The following DEAF1 variants were observed in gnomAD, a reference collection of about 807,000 sequenced individuals.
DEAF1 encodes the protein deformed epidermal autoregulatory factor 1 homolog.
In DEAF1, 53 loss-of-function variants were observed where a neutral mutation model predicts 58.9. That is an observed-to-expected ratio of 0.90 (90% CI 0.72 to 1.13). The LOEUF is 1.13. Among genes scored for constraint, DEAF1 ranks in the 50% most tolerant of loss-of-function variants. The probability of loss-of-function intolerance (pLI) is 0.00; values close to 1 mark genes in which losing one functional copy is unlikely to be tolerated. For synonymous variants in DEAF1, 385 were observed against 340.4 expected, an observed-to-expected ratio of 1.13 and a Z score of -1.44; for missense variants, 685 against 791.4, an observed-to-expected ratio of 0.87 and a Z score of 1.61.
chr11:650,707 C>T (rs1482854087), intron 11 of DEAF1, among the ~76,000 whole-genome samples: 1 of 151,182 alleles, frequency 6.6e-6, no homozygotes, highest in African/African-American at 2.4e-5. Context: ...CATCCCAGCA[C>T]TTTGGGAGGC....
rs1182879417 is a variant in DEAF1, at chr11:654,146, G to A, written c.1504-95C>T. Reference sequence around the variant, plus strand: ...GGCAGGTGCAGGCAGGAGGCCCCAAGTTCCCCCCATTGGACCCCCTTTTTT... The same window carrying A: ...GGCAGGTGCAGGCAGGAGGCCCCAAATTCCCCCCATTGGACCCCCTTTTTT... On this transcript the variant is annotated intron_variant, in intron 10 of 11. Coordinates refer to ENST00000382409, the MANE Select transcript of DEAF1 (RefSeq NM_021008.4). 4 of 845,758 alleles carry A rather than the reference G, an allele frequency of 4.7e-6. No homozygotes were observed. In the African/African-American group the frequency reaches 5.3e-5, roughly 11 times the overall value. The allele number at this position is 845,758 out of a possible 1,614,324, so 52.4% of individuals were successfully genotyped here.
At chr11:702,552 CCTTGGACCAGAGAAAAATA>C (rs1317763408) in intron 1 of DEAF1, among the ~76,000 whole-genome samples, 1 of 152,240 alleles carries the variant, frequency 6.6e-6, no homozygotes, top group Non-Finnish European at 1.5e-5. Flanking sequence ...CCAGAACTGG[CCTTGGACCAGAGAAAAATA>C]CTTTGGGAAT....
chr11:698,308 G>A (rs745920935), upstream of DEAF1, among the ~76,000 whole-genome samples: 1 of 152,168 alleles, frequency 6.6e-6, no homozygotes, highest in Non-Finnish European at 1.5e-5. Flanking sequence ...CTCTCAGGTG[G>A]GGGTGGGAGA....
chr11:678,021 A>G (rs1288665525), intron 9 of DEAF1, among the ~76,000 whole-genome samples: 1 of 150,320 alleles, frequency 6.7e-6, no homozygotes. Context: ...GTGGTGGCTC[A>G]CACCTGTAAT....
upstream of DEAF1, chr11:699,589 A>C (rs1486755209): frequency 6.5e-6 from 1 of 154,556 alleles, no homozygotes; most frequent in African/African-American, 2.4e-5. Context: ...CCTACTAAAA[A>C]TACAAAAAAT....
At chr11:662,875 CGGCAGCAGGG>C (rs1859375417) in intron 10 of DEAF1, among the ~76,000 whole-genome samples, 1 of 152,182 alleles carries the variant, frequency 6.6e-6, no homozygotes, top group South Asian at 2.1e-4. Flanking sequence ...GCCCTCAGCA[CGGCAGCAGGG>C]GGCAGCAGCA....
At chr11:686,433 C>T (rs1308534170) in intron 5 of DEAF1, among the ~76,000 whole-genome samples, 5 of 152,148 alleles carry the variant, frequency 3.3e-5, no homozygotes, top group African/African-American at 1.2e-4. Context: ...TAACAACACC[C>T]AAGGAGCTAA....
At position 644,311 on chromosome 11, in the gene DEAF1, C is replaced by T. The variant is rs1349955354; in HGVS notation, c.*239G>A. 25 of 598,702 alleles carry T rather than the reference C, an allele frequency of 4.2e-5. No homozygotes were observed. The highest frequency in any genetic ancestry group is 8.2e-5 in the Admixed American group (3 of 36,772). 37.1% of individuals were successfully genotyped at this position (598,702 alleles called of 1,614,324 possible). A position where few individuals can be genotyped will look rare whatever the true frequency, so the allele number is the denominator to read the frequency against. ...CACAGGCCCTGTGGGCAAGACCGGA[C>T]GCTCATGATCCCAGGGATAAAAAAT... On this transcript the variant is annotated 3_prime_UTR_variant, in exon 12 of 12. Coordinates refer to ENST00000382409, the MANE Select transcript of DEAF1 (RefSeq NM_021008.4). This position sits in a 1 kb window ranked among gnomAD's most constrained non-coding sequence, Gnocchi z 4.3.
At chr11:669,579 C>A (rs1353849053) in intron 10 of DEAF1, among the ~76,000 whole-genome samples, 1 of 149,912 alleles carries the variant, frequency 6.7e-6, no homozygotes, top group African/African-American at 2.5e-5. Context: ...GAGGTTATGG[C>A]GAGCCGAGAT....
rs1210042091 is a variant in DEAF1 at position 674,629 on chromosome 11, C to T, written c.1410G>A (p.Leu470=). 1 of 1,614,056 alleles carries T rather than the reference C, an allele frequency of 6.2e-7. No homozygotes were observed. The highest frequency in any genetic ancestry group is 2.2e-5 in the East Asian group (1 of 44,894). The part of the protein sequence containing the change: ...VNSLLNTAQQ[L]KTLFEQAKHA... ...GCTTGGCTTGCTCAAACAGCGTCTT[C>T]AGCTGCTGCGCTGTGTTGAGCAAGG... is the stretch of plus-strand genomic sequence containing the variant. Residue 470 remains leucine, a synonymous_variant, in exon 10 of 12, where the codon CTG becomes CTA. Transcript: ENST00000382409.
intron 11 of DEAF1, among the ~76,000 whole-genome samples, chr11:649,558 A>G (rs925548424): frequency 2.6e-5 from 4 of 151,848 alleles, no homozygotes; most frequent in African/African-American, 7.3e-5. Flanking sequence ...TGTGTCTACT[A>G]AAAGTACAAA....
intron 10 of DEAF1, among the ~76,000 whole-genome samples, chr11:670,931 GT>G (rs558436376): frequency 1.9e-4 from 17 of 91,376 alleles, no homozygotes; most frequent in Middle Eastern, 8.8e-3. Context: ...CCTGGCTAAT[GT>G]TTTTTTTTTT....
At position 666,873 on chromosome 11, in the gene DEAF1, CAAAAAAAA is replaced by C. The variant is rs532628897; in HGVS notation, c.1503+7655_1503+7662del. Among the ~76,000 whole-genome samples, 16 of 60,262 alleles carry C rather than the reference CAAAAAAAA, an allele frequency of 2.7e-4. No homozygotes were observed. In the South Asian group the frequency reaches 4.0e-3, roughly 15 times the overall value. The allele number at this position is 60,262 out of a possible 152,430, so 39.5% of individuals were successfully genotyped here. A position where few individuals can be genotyped will look rare whatever the true frequency, so the allele number is the denominator to read the frequency against. ...AGCCTGGAGAGCAAGACTCTGTCTC[CAAAAAAAA>C]AAAAAAAAAAAAAAAAGAAAAAAAG... On this transcript the variant is annotated intron_variant, in intron 10 of 11. Transcript: ENST00000382409.
At chr11:679,008 AATAAAATAGATT>A (rs1250909513) in intron 8 of DEAF1, among the ~76,000 whole-genome samples, 186 bp from the exon 9 acceptor site, 2 of 152,186 alleles carry the variant, frequency 1.3e-5, no homozygotes, top group Non-Finnish European at 2.9e-5. Flanking sequence ...TATCAGGTGA[AATAAAATAGATT>A]ATAAAAATCA....
chr11:647,363 G>A (rs544255905), intron 11 of DEAF1, among the ~76,000 whole-genome samples: 4 of 152,190 alleles, frequency 2.6e-5, no homozygotes, highest in African/African-American at 9.6e-5. Context: ...GCTGAGGCAG[G>A]AGAATCGCTT....
At chr11:662,552 G>A (rs1564931599) in intron 10 of DEAF1, among the ~76,000 whole-genome samples, 1 of 152,126 alleles carries the variant, frequency 6.6e-6, no homozygotes, top group Non-Finnish European at 1.5e-5. Flanking sequence ...GCGCCCCCCA[G>A]GCTCCTGGAG....
chr11:647,807 G>A (rs894090524), intron 11 of DEAF1, among the ~76,000 whole-genome samples: 2 of 151,546 alleles, frequency 1.3e-5, no homozygotes, highest in South Asian at 4.2e-4. Context: ...AATCCAGGCA[G>A]TGCTGGGAGC....
At chr11:680,017 G>C in intron 7 of DEAF1, 1 of 661,192 alleles carries the variant, frequency 1.5e-6, no homozygotes, top group Non-Finnish European at 2.6e-6. Flanking sequence ...GGATGGCCAG[G>C]ATGGCAACTT....
intron 11 of DEAF1, among the ~76,000 whole-genome samples, chr11:645,812 G>C (rs1009949112): frequency 6.6e-6 from 1 of 152,228 alleles, no homozygotes; most frequent in Non-Finnish European, 1.5e-5. Flanking sequence ...GCCAGGTGCT[G>C]AAGCTGAGAC....
Sources: gnomAD v4.1 joint callset for allele counts (sites outside exome capture counted in the v4.1 genomes callset) on GRCh38, gnomAD v4.1.1 for gene constraint, Gnocchi (gnomAD v3.1) non-coding constraint, MANE v1.5 for transcripts, NCBI Gene and HGNC (gene_info 2026-07-23, HGNC 2026-07-21) for gene names.